The following SLC7A6 variants were observed in gnomAD, a reference collection of about 807,000 sequenced individuals.
The protein encoded by SLC7A6 is Y+L amino acid transporter 2.
A neutral mutation model predicts 46.6 loss-of-function variants in SLC7A6; 29 were observed. That is an observed-to-expected ratio of 0.62 (90% CI 0.46 to 0.85). SLC7A6 has a LOEUF of 0.85. Among genes scored for constraint, SLC7A6 ranks in the 40% least tolerant of loss-of-function variants. The pLI, the probability that SLC7A6 is intolerant of heterozygous loss-of-function variation, is 0.00. For synonymous variants in SLC7A6, 276 were observed against 257.3 expected, an observed-to-expected ratio of 1.07 and a Z score of -0.70; for missense variants, 527 against 647.6, an observed-to-expected ratio of 0.81 and a Z score of 2.02.
In SLC7A6 at chr16:68,275,128, T is replaced by C; in HGVS notation, c.402T>C (p.Val134=). ...TCCGCCTGTGGGTCTCACTGCTAGT[T>C]GTTGAGCCCACCGGTCAGGCCATCA... ...AFIRLWVSLL[V]VEPTGQAIIA... The change falls in exon 3 of 11, where the codon GTT becomes GTC. Residue 134 remains valine (V), a synonymous_variant. Coordinates refer to ENST00000219343, the MANE Select transcript of SLC7A6 (RefSeq NM_003983.6). 1 of 1,614,150 alleles carries C rather than the reference T, an allele frequency of 6.2e-7. No individual in the cohort carries two copies. Among genetic ancestry groups the C allele is most frequent in the Non-Finnish European group, 8.5e-7 (1 of 1,180,026 alleles).
At position 68,297,539 on chromosome 16, in the gene SLC7A6, G is replaced by C; in HGVS notation, c.*211G>C. 24 of 207,600 alleles carry C rather than the reference G, an allele frequency of 1.2e-4. No homozygotes were observed. The highest frequency in any genetic ancestry group is 3.3e-4 in the East Asian group (2 of 6,064). 12.9% of individuals were successfully genotyped at this position (207,600 alleles called of 1,614,324 possible). On this transcript the variant is annotated 3_prime_UTR_variant, in exon 11 of 11. Coordinates refer to ENST00000219343, the MANE Select transcript of SLC7A6 (RefSeq NM_003983.6). ...AGGTGGGGGCTTCAGAGGGTGGGGG[G>C]AAGATTGGGGAACGGGGGGAATGGT...
chr16:68,300,986 G>A lies in SLC7A6; in HGVS notation c.*3658G>A. ...ACCTGAATGCCAGGAAAAATTCCTG[G>A]GCCAAGAAGCTAAAGCTAAAGAAAC... On this transcript the variant is annotated 3_prime_UTR_variant, in exon 11 of 11. Transcript: ENST00000219343. The A allele has an allele frequency of 9.5e-7, 1 of 1,047,160 alleles. No individual in the cohort carries two copies. Among genetic ancestry groups the A allele is most frequent in the Non-Finnish European group, 1.1e-6 (1 of 870,658 alleles). 64.9% of individuals were successfully genotyped at this position (1,047,160 alleles called of 1,614,324 possible).
At position 68,264,797 on chromosome 16, in the gene SLC7A6, G is replaced by A. The variant is rs1312624982; in HGVS notation, c.-166+221G>A. 1 of 152,526 alleles carries A rather than the reference G, an allele frequency of 6.6e-6. No individual in the cohort carries two copies. Among genetic ancestry groups the A allele is most frequent in the Non-Finnish European group, 1.5e-5 (1 of 68,176 alleles). The allele number at this position is 152,526 out of a possible 1,614,324, so 9.4% of individuals were successfully genotyped here. A position where few individuals can be genotyped will look rare whatever the true frequency, so the allele number is the denominator to read the frequency against. ...CCTCGAGCGTGAGGGCCGAGTGTGGGAGAAACGCTGTATGGGTGCGAGCCC... is the reference window on the plus strand; with the variant it reads ...CCTCGAGCGTGAGGGCCGAGTGTGGAAGAAACGCTGTATGGGTGCGAGCCC... On this transcript the variant is annotated intron_variant, in intron 1 of 10. Transcript: ENST00000219343. The surrounding 1 kb of genome is among the most constrained non-coding windows in gnomAD (Gnocchi z 5.8).
rs139131874 is a variant in SLC7A6, at chr16:68,281,024, C to T, written c.523+5775C>T. Among the ~76,000 whole-genome samples the T allele has an allele frequency of 7.5e-4, 114 of 152,278 alleles. 1 individual carries two copies. Among genetic ancestry groups the T allele is most frequent in the African/African-American group, 2.0e-3 (82 of 41,562 alleles). On this transcript the variant is annotated intron_variant, in intron 3 of 10. Coordinates refer to ENST00000219343, the MANE Select transcript of SLC7A6 (RefSeq NM_003983.6). ...CTGGGATTACAGGCGTGACCCACGGCGCCCAGCCGGCTGTGGCTCCTTTTA... is the reference window on the plus strand; with the variant it reads ...CTGGGATTACAGGCGTGACCCACGGTGCCCAGCCGGCTGTGGCTCCTTTTA...
In SLC7A6 at chr16:68,274,722, T is replaced by C. The variant is rs1381297298; in HGVS notation, c.-5T>C. The C allele has an allele frequency of 1.5e-5, 24 of 1,613,780 alleles. No individual in the cohort carries two copies. The highest frequency in any genetic ancestry group is 1.9e-5 in the Non-Finnish European group (22 of 1,179,818). ...GCAAACACAGGTGTGCAGGAACCGT[T>C]TGTCATGGAAGCCAGGGAGCCTGGG... On this transcript the variant is annotated 5_prime_UTR_variant, in exon 3 of 11. Transcript: ENST00000219343.
chr16:68,271,863 G>A (rs1247199896), intron 2 of SLC7A6, among the ~76,000 whole-genome samples: 1 of 151,648 alleles, frequency 6.6e-6, no homozygotes, highest in Non-Finnish European at 1.5e-5. Context: ...GTGCAGTGGC[G>A]CTATCTTGGC....
At chr16:68,272,421 C>T (rs1035482278) in intron 2 of SLC7A6, among the ~76,000 whole-genome samples, 1 of 152,056 alleles carries the variant, frequency 6.6e-6, no homozygotes, top group South Asian at 2.1e-4. Context: ...AAAGTGAGAC[C>T]TTGTCTCTTG....
Position 68,290,169 on chromosome 16 carries a change from G to A in SLC7A6, c.650-227G>A, listed in dbSNP as rs2043018439. ...GAAGTGGGTGGGGTGGTAAAGTGTA[G>A]GGAGCTAGTGGTTGTTGATCTTTTG... is the stretch of plus-strand genomic sequence containing the variant. On this transcript the variant is annotated intron_variant, in intron 4 of 10. Transcript: ENST00000219343. 12 of 511,420 alleles carry A rather than the reference G, an allele frequency of 2.3e-5. No individual in the cohort carries two copies. In the East Asian group the frequency reaches 3.7e-4, roughly 16 times the overall value. The allele number at this position is 511,420 out of a possible 1,614,324, so 31.7% of individuals were successfully genotyped here.
intron 3 of SLC7A6, among the ~76,000 whole-genome samples, chr16:68,278,049 C>T (rs1238917559): frequency 4.6e-5 from 7 of 150,734 alleles, no homozygotes; most frequent in Admixed American, 4.0e-4. Context: ...CTCCACCTCC[C>T]GGGTTCAAGA....
In SLC7A6 at chr16:68,297,354, T is replaced by C; in HGVS notation, c.*26T>C. 1 of 1,602,020 alleles carries C rather than the reference T, an allele frequency of 6.2e-7. No individual in the cohort carries two copies. Among genetic ancestry groups the C allele is most frequent in the Non-Finnish European group, 8.5e-7 (1 of 1,170,910 alleles). On this transcript the variant is annotated 3_prime_UTR_variant, in exon 11 of 11. Transcript: ENST00000219343. ...AGGTCAGAGGTGGCTTTCTGAGGCC[T>C]GGAAGGCAGGCCAACCAGCAAAATC...
chr16:68,297,216 T>C lies in SLC7A6; in HGVS notation c.1454-18T>C, dbSNP rs746302880. ...CTAGATGTTTACTAAACCCTGTGCT[T>C]GCTCTATTTTCATTTAGCTGCTATC... is the stretch of plus-strand genomic sequence containing the variant. On this transcript the variant is annotated intron_variant, in intron 10 of 10. Transcript: ENST00000219343. The C allele has an allele frequency of 1.7e-5, 28 of 1,612,128 alleles. No individual in the cohort carries two copies. In the South Asian group the frequency reaches 2.9e-4, roughly 16 times the overall value.
intron 3 of SLC7A6, among the ~76,000 whole-genome samples, chr16:68,278,848 G>A (rs1269973526): frequency 2.0e-5 from 3 of 151,982 alleles, no homozygotes; most frequent in South Asian, 2.1e-4. Context: ...ACGGGGTGGC[G>A]GCCGGGCAGA....
intron 3 of SLC7A6, among the ~76,000 whole-genome samples, chr16:68,283,879 G>A (rs1367258667): frequency 1.3e-5 from 2 of 152,226 alleles, no homozygotes; most frequent in Admixed American, 6.5e-5. Flanking sequence ...AACTCTGATA[G>A]TTTATGGTAA....
At chr16:68,271,361 A>T (rs1252133720) in intron 2 of SLC7A6, among the ~76,000 whole-genome samples, 1 of 152,054 alleles carries the variant, frequency 6.6e-6, no homozygotes, top group South Asian at 2.1e-4. Flanking sequence ...CGGGAGTGCA[A>T]TGGTGTGATC....
Position 68,275,053 on chromosome 16 carries a change from A to G in SLC7A6, c.327A>G (p.Gly109=). ...AELGTTITKS[G]ASYAYILEAF... is the part of the protein sequence containing the mutation. ...TGGGGACCACCATCACCAAGTCGGG[A>G]GCCAGCTACGCTTATATTCTAGAGG... The change falls in exon 3 of 11, where the codon GGA becomes GGG. Residue 109 remains glycine, a synonymous_variant. Coordinates refer to ENST00000219343, the MANE Select transcript of SLC7A6 (RefSeq NM_003983.6). 2 of 1,614,110 alleles carry G rather than the reference A, an allele frequency of 1.2e-6. No homozygotes were observed. The highest frequency in any genetic ancestry group is 1.6e-4 in the Middle Eastern group (1 of 6,062).
intron 2 of SLC7A6, among the ~76,000 whole-genome samples, chr16:68,271,569 T>A (rs1016300971): frequency 2.6e-5 from 4 of 152,128 alleles, no homozygotes; most frequent in African/African-American, 7.2e-5. Flanking sequence ...CCTCCCAAAG[T>A]GCTGGGATCA....
rs71384525 is a variant in SLC7A6 at position 68,284,859 on chromosome 16, C to CTTTTTTTTTTT, written c.524-2879_524-2869dup. Among the ~76,000 whole-genome samples, 207 of 95,572 alleles carry CTTTTTTTTTTT rather than the reference C, an allele frequency of 2.2e-3. 12 individuals carry two copies. Among genetic ancestry groups the CTTTTTTTTTTT allele is most frequent in the South Asian group, 6.1e-3 (17 of 2,806 alleles). The allele number at this position is 95,572 out of a possible 152,430, so 62.7% of individuals were successfully genotyped here. A position where few individuals can be genotyped will look rare whatever the true frequency, so the allele number is the denominator to read the frequency against. ...CTGTCTCTTCTGTGTATTTTCTCGT[C>CTTTTTTTTTTT]TTTTTTTTTTTTTTTTTTAGAGACA... On this transcript the variant is annotated intron_variant, in intron 3 of 10. Coordinates refer to ENST00000219343, the MANE Select transcript of SLC7A6 (RefSeq NM_003983.6).
chr16:68,283,397 GA>G (rs1821764416), intron 3 of SLC7A6, among the ~76,000 whole-genome samples: 1 of 152,116 alleles, frequency 6.6e-6, no homozygotes, highest in Non-Finnish European at 1.5e-5. Context: ...CACTGTAACT[GA>G]CAAGAAGGAC....
At chr16:68,273,319 C>T (rs1057370350) in intron 2 of SLC7A6, among the ~76,000 whole-genome samples, 3 of 152,110 alleles carry the variant, frequency 2.0e-5, no homozygotes, top group Non-Finnish European at 2.9e-5. Flanking sequence ...ATGTGCTTGC[C>T]GATCCTGTTC....
Sources: gnomAD v4.1 joint callset for allele counts (sites outside exome capture counted in the v4.1 genomes callset) on GRCh38, gnomAD v4.1.1 for gene constraint, Gnocchi (gnomAD v3.1) non-coding constraint, MANE v1.5 for transcripts, NCBI Gene and HGNC (gene_info 2026-07-23, HGNC 2026-07-21) for gene names.